Variants in SH3RF3 observed in about 807,000 individuals in gnomAD.
SH3RF3 encodes E3 ubiquitin-protein ligase SH3RF3.
Under a neutral mutation model 66.3 loss-of-function variants are expected in SH3RF3, and 29 were observed. That is an observed-to-expected ratio of 0.44 (90% CI 0.33 to 0.60). The LOEUF (loss-of-function observed/expected upper bound fraction) is 0.60. SH3RF3 is among the 20% of genes least tolerant of loss of function. The pLI is 0.04. For missense variants in SH3RF3, 1,194 were observed against 1,190.9 expected, an observed-to-expected ratio of 1.00 and a Z score of -0.04; for synonymous variants, 583 against 532.0, an observed-to-expected ratio of 1.10 and a Z score of -1.32.
At chr2:109,172,354 T>G (rs1461444831) in intron 1 of SH3RF3, among the ~76,000 whole-genome samples, 2 of 152,208 alleles carry the variant, frequency 1.3e-5, no homozygotes, top group African/African-American at 4.8e-5. Context: ...GTCAAACCCC[T>G]CTTCACCATG....
chr2:109,129,769 T>C lies in SH3RF3; in HGVS notation c.229T>C (p.Phe77Leu). 1 of 1,539,330 alleles carries C rather than the reference T, an allele frequency of 6.5e-7. No individual in the cohort carries two copies. Among genetic ancestry groups the C allele is most frequent in the Middle Eastern group, 1.7e-4 (1 of 5,736 alleles). Residue 77 changes from phenylalanine to leucine, a missense_variant, in exon 1 of 10, where the codon TTC becomes CTC. By Grantham distance (22) the Phe-to-Leu change is conservative. Coordinates refer to ENST00000309415, the MANE Select transcript of SH3RF3 (RefSeq NM_001099289.3). ...CAAGGTGCTGCCATGCCAACACACT[T>C]TCTGCCGCCGCTGCCTGGAGAGCAT... ...TAKVLPCQHT[F>L]CRRCLESIVC...
intron 1 of SH3RF3, among the ~76,000 whole-genome samples, chr2:109,258,766 G>A (rs957281866): frequency 1.3e-5 from 2 of 152,242 alleles, no homozygotes; most frequent in African/African-American, 4.8e-5. Flanking sequence ...ACAGTGGCCT[G>A]CACTGCTGTT....
intron 1 of SH3RF3, among the ~76,000 whole-genome samples, chr2:109,186,029 C>T (rs1219783700): frequency 6.6e-6 from 1 of 152,238 alleles, no homozygotes; most frequent in Non-Finnish European, 1.5e-5. Context: ...TTCCCTTAGT[C>T]ACTGGGATCC....
intron 7 of SH3RF3, among the ~76,000 whole-genome samples, chr2:109,444,364 C>T (rs1259987475): frequency 6.6e-6 from 1 of 152,182 alleles, no homozygotes; most frequent in East Asian, 1.9e-4. Context: ...CACACAATAG[C>T]CAAGTGCTGA....
chr2:109,211,644 C>CTT (rs1678982030), intron 1 of SH3RF3, among the ~76,000 whole-genome samples: 1 of 124,968 alleles, frequency 8.0e-6, no homozygotes, highest in Admixed American at 8.6e-5. Context: ...TCCTGCATTT[C>CTT]TTTCTTTTTT....
chr2:109,191,433 G>A (rs1678360651), intron 1 of SH3RF3, among the ~76,000 whole-genome samples: 2 of 152,314 alleles, frequency 1.3e-5, no homozygotes, highest in East Asian at 3.9e-4. Context: ...AGTGGGGTGA[G>A]TTATAAATCA....
At chr2:109,399,097 C>T (rs1212836906) in intron 4 of SH3RF3, among the ~76,000 whole-genome samples, 154 bp downstream of exon 4, 2 of 152,140 alleles carry the variant, frequency 1.3e-5, no homozygotes, top group African/African-American at 4.8e-5. Context: ...CTGCCTGGCA[C>T]TGGGGCCCCC....
chr2:109,328,812 T>C (rs144411145), intron 1 of SH3RF3, among the ~76,000 whole-genome samples: 1 of 152,288 alleles, frequency 6.6e-6, no homozygotes, highest in African/African-American at 2.4e-5. Flanking sequence ...CATGAAAATA[T>C]TTCACCTGAA....
At chr2:109,165,261 CA>C (rs1558935639) in intron 1 of SH3RF3, among the ~76,000 whole-genome samples, 2 of 152,172 alleles carry the variant, frequency 1.3e-5, no homozygotes, top group Non-Finnish European at 2.9e-5. Flanking sequence ...GGTTCAGAGT[CA>C]TTTTGCAGGA....
chr2:109,500,482 A>C (rs1015184707), intron 9 of SH3RF3, among the ~76,000 whole-genome samples: 1 of 152,148 alleles, frequency 6.6e-6, no homozygotes, highest in South Asian at 2.1e-4. Context: ...ACTACAGCAT[A>C]TTGGTCTGAA....
intron 8 of SH3RF3, among the ~76,000 whole-genome samples, chr2:109,469,583 C>T (rs982932569): frequency 6.6e-6 from 1 of 151,862 alleles, no homozygotes; most frequent in East Asian, 1.9e-4. Context: ...TGTGACTTCT[C>T]CTAGGTGGGC....
intron 5 of SH3RF3, among the ~76,000 whole-genome samples, chr2:109,425,513 G>T (rs565669196): frequency 3.9e-4 from 59 of 152,324 alleles, no homozygotes; most frequent in African/African-American, 1.4e-3. Flanking sequence ...GGCTAATGCA[G>T]CTGGTGACTC....
At chr2:109,172,274 T>C (rs4676071) in intron 1 of SH3RF3, among the ~76,000 whole-genome samples, 133,967 of 152,218 alleles carry the variant, frequency 0.88, 59,231 homozygotes, top group African/African-American at 0.97. Context: ...GGGCAACAGC[T>C]GCGTGTGGCC....
intron 1 of SH3RF3, among the ~76,000 whole-genome samples, chr2:109,262,887 C>CA (rs1680392015): frequency 6.6e-6 from 1 of 152,056 alleles, no homozygotes; most frequent in Non-Finnish European, 1.5e-5. Context: ...GGCTGGAGTG[C>CA]AGTGGCATGA....
chr2:109,360,288 G>A (rs1460461974), intron 2 of SH3RF3, among the ~76,000 whole-genome samples: 6 of 152,106 alleles, frequency 3.9e-5, no homozygotes, highest in Non-Finnish European at 7.4e-5. Context: ...GTGAATAATT[G>A]TAAGAAAATG....
At chr2:109,281,334 G>A (rs1036132913) in intron 1 of SH3RF3, among the ~76,000 whole-genome samples, 6 of 152,292 alleles carry the variant, frequency 3.9e-5, no homozygotes, top group South Asian at 2.1e-4. Context: ...GGCCCCCTCC[G>A]TTATCCATCA....
intron 8 of SH3RF3, among the ~76,000 whole-genome samples, chr2:109,460,157 G>C (rs1338256542): frequency 6.6e-6 from 1 of 152,256 alleles, no homozygotes; most frequent in African/African-American, 2.4e-5. Flanking sequence ...GTCAGAAGCA[G>C]TGCTGTGTGG....
chr2:109,477,888 A>G (rs1041993705), intron 8 of SH3RF3, among the ~76,000 whole-genome samples: 1 of 152,154 alleles, frequency 6.6e-6, no homozygotes, highest in Non-Finnish European at 1.5e-5. Context: ...TTTGGGGAAC[A>G]TGTGCATTCA....
intron 2 of SH3RF3, among the ~76,000 whole-genome samples, chr2:109,366,819 C>T (rs1683159527): frequency 6.6e-6 from 1 of 152,158 alleles, no homozygotes; most frequent in Non-Finnish European, 1.5e-5. Flanking sequence ...TGCCACTGCA[C>T]TCCAGCCTGG....
Sources: allele counts gnomAD v4.1 joint callset (sites outside exome capture counted in the v4.1 genomes callset), GRCh38; gene constraint gnomAD v4.1.1; transcripts MANE v1.5; gene names NCBI Gene and HGNC (gene_info 2026-07-23, HGNC 2026-07-21).